TMEM132D: variants seen among roughly 807,000 people sequenced by gnomAD.
TMEM132D encodes transmembrane protein 132D.
TMEM132D carries 21 observed loss-of-function variants against 62.3 expected under a neutral mutation model. That is an observed-to-expected ratio of 0.34 (90% confidence interval 0.24 to 0.49). The LOEUF (loss-of-function observed/expected upper bound fraction) is 0.49. TMEM132D is among the 20% of genes least tolerant of loss of function. TMEM132D has a pLI of 0.99. For synonymous variants in TMEM132D, 621 were observed against 575.6 expected, an observed-to-expected ratio of 1.08 and a Z score of -1.13; for missense variants, 1,346 against 1,402.8, an observed-to-expected ratio of 0.96 and a Z score of 0.65.
intron 2 of TMEM132D, among the ~76,000 whole-genome samples, chr12:129,677,131 C>A (rs1880650656): frequency 6.6e-6 from 1 of 152,076 alleles, no homozygotes; most frequent in South Asian, 2.1e-4. Flanking sequence ...GGGCTGTGAC[C>A]CCACCCAAAT....
rs144661574 is a variant in TMEM132D, at chr12:129,528,908, C to T, written c.1115+2151G>A. Among the ~76,000 whole-genome samples, 5 of 152,338 alleles carry T rather than the reference C, an allele frequency of 3.3e-5. No homozygotes were observed. The East Asian group carries it at 9.6e-4, about 29-fold the overall frequency. ...CCTAGCTGCTGTGTAAAATCCCTACCTCAACACATTTGTCTATCAACAAAA... is the reference window on the plus strand; with the variant it reads ...CCTAGCTGCTGTGTAAAATCCCTACTTCAACACATTTGTCTATCAACAAAA... On this transcript the variant is annotated intron_variant, in intron 3 of 8. Transcript: ENST00000422113.
intron 2 of TMEM132D, among the ~76,000 whole-genome samples, chr12:129,570,347 AG>A (rs1877477330): frequency 6.6e-6 from 1 of 152,362 alleles, no homozygotes; most frequent in South Asian, 2.1e-4. Flanking sequence ...TGGTGCCACA[AG>A]GACATCTACC....
intron 1 of TMEM132D, among the ~76,000 whole-genome samples, chr12:129,793,221 G>C (rs1464031704): frequency 6.6e-6 from 1 of 151,788 alleles, no homozygotes; most frequent in Non-Finnish European, 1.5e-5. Flanking sequence ...CCTGATCTTC[G>C]TATTATATCT....
intron 1 of TMEM132D, among the ~76,000 whole-genome samples, chr12:129,820,370 G>T (rs1352741094): frequency 2.6e-5 from 4 of 152,192 alleles, no homozygotes; most frequent in Non-Finnish European, 4.4e-5. Context: ...AAGTAACAGA[G>T]ACTCAGAGAA....
chr12:129,624,095 A>G (rs977903736), intron 2 of TMEM132D, among the ~76,000 whole-genome samples: 2 of 152,148 alleles, frequency 1.3e-5, no homozygotes, highest in African/African-American at 2.4e-5. Context: ...GCCTTTGTTT[A>G]TCTTGTGTTG....
intron 1 of TMEM132D, among the ~76,000 whole-genome samples, chr12:129,864,753 G>A (rs182716270): frequency 1.3e-5 from 2 of 152,328 alleles, no homozygotes; most frequent in Admixed American, 1.3e-4. Context: ...ATTGTTACCT[G>A]AAGTAAGTTT....
At chr12:129,474,768 T>A (rs1463410877) in intron 3 of TMEM132D, among the ~76,000 whole-genome samples, 2 of 152,178 alleles carry the variant, frequency 1.3e-5, no homozygotes, top group Non-Finnish European at 2.9e-5. Context: ...TGCCCACTCA[T>A]CTTGTCCAAT....
At chr12:129,850,820 T>C (rs539426773) in intron 1 of TMEM132D, among the ~76,000 whole-genome samples, 1 of 152,342 alleles carries the variant, frequency 6.6e-6, no homozygotes, top group East Asian at 1.9e-4. Flanking sequence ...ATTTATGCAA[T>C]GCCACACACA....
At chr12:129,430,676 G>A (rs1417778201) in intron 3 of TMEM132D, among the ~76,000 whole-genome samples, 1 of 152,116 alleles carries the variant, frequency 6.6e-6, no homozygotes, top group African/African-American at 2.4e-5. Context: ...GTGAAATGGT[G>A]ACATTAGAGG....
intron 2 of TMEM132D, among the ~76,000 whole-genome samples, chr12:129,626,811 T>C (rs530129454): frequency 1.9e-4 from 29 of 152,248 alleles, no homozygotes; most frequent in Admixed American, 7.2e-4. Flanking sequence ...TATTTTTAAT[T>C]TTCTCATGGC....
intron 5 of TMEM132D, among the ~76,000 whole-genome samples, chr12:129,132,183 C>T (rs1317585686): frequency 1.3e-5 from 2 of 152,094 alleles, no homozygotes; most frequent in African/African-American, 4.8e-5. Context: ...CTTGCAGTAA[C>T]CTGTTTGTTC....
intron 1 of TMEM132D, among the ~76,000 whole-genome samples, chr12:129,772,550 G>C (rs1870790147): frequency 6.6e-6 from 1 of 152,120 alleles, no homozygotes; most frequent in African/African-American, 2.4e-5. Context: ...TTTCCCATGA[G>C]TCATAAATCC....
intron 3 of TMEM132D, among the ~76,000 whole-genome samples, chr12:129,469,357 TG>T (rs1212334300): frequency 6.6e-6 from 1 of 152,192 alleles, no homozygotes; most frequent in Admixed American, 6.6e-5. Flanking sequence ...TCTCAAGATG[TG>T]CCCCCCGTGT....
At chr12:129,493,116 T>G (rs762910855) in intron 3 of TMEM132D, among the ~76,000 whole-genome samples, 1 of 152,152 alleles carries the variant, frequency 6.6e-6, no homozygotes, top group Non-Finnish European at 1.5e-5. Context: ...GTTTCCAGGT[T>G]CTTGAACCAA....
chr12:129,692,860 G>A lies in TMEM132D; in HGVS notation c.968+6950C>T, dbSNP rs972020839. 2.0e-5 allele frequency among the ~76,000 whole-genome samples: 3 copies of A among 151,956 alleles called. No individual in the cohort carries two copies. The East Asian group carries it at 5.8e-4, about 29-fold the overall frequency. On this transcript the variant is annotated intron_variant, in intron 2 of 8. Transcript: ENST00000422113. ...TGGGGCCTGTCGGGGGAGGGCAGTGGGGGGAGAGCATTAAGAAAAAGAACT... is the reference window on the plus strand; with the variant it reads ...TGGGGCCTGTCGGGGGAGGGCAGTGAGGGGAGAGCATTAAGAAAAAGAACT...
At chr12:129,245,087 T>C (rs571350070) in intron 4 of TMEM132D, among the ~76,000 whole-genome samples, 3 of 152,206 alleles carry the variant, frequency 2.0e-5, no homozygotes, top group African/African-American at 4.8e-5. Flanking sequence ...AGTCCATAGT[T>C]TGTATTAAGG....
At chr12:129,134,116 T>C (rs200768392) in intron 5 of TMEM132D, among the ~76,000 whole-genome samples, 1 of 144,390 alleles carries the variant, frequency 6.9e-6, no homozygotes, top group African/African-American at 2.7e-5. Flanking sequence ...TGTCTGTGTG[T>C]TGTGTGTGTG....
chr12:129,339,266 CA>C (rs34532510), intron 3 of TMEM132D, among the ~76,000 whole-genome samples: 27,956 of 102,470 alleles, frequency 0.27, 2,751 homozygotes, highest in African/African-American at 0.31. Flanking sequence ...AAATATGTCT[CA>C]AAAAAAAAAA....
intron 8 of TMEM132D, among the ~76,000 whole-genome samples, chr12:129,076,462 AGTT>A (rs1384668416): frequency 2.6e-5 from 4 of 152,144 alleles, no homozygotes; most frequent in Admixed American, 6.5e-5. Flanking sequence ...AATTTTACAC[AGTT>A]GTTGTTTAGT....
Sources: allele counts gnomAD v4.1 joint callset (sites outside exome capture counted in the v4.1 genomes callset), GRCh38; gene constraint gnomAD v4.1.1; transcripts MANE v1.5; gene names NCBI Gene and HGNC (gene_info 2026-07-23, HGNC 2026-07-21).